PAK5: variants seen among roughly 807,000 people sequenced by gnomAD.
The protein encoded by PAK5 is serine/threonine-protein kinase PAK 5.
In PAK5, 16 loss-of-function variants were observed where a neutral mutation model predicts 65.9. That is an observed-to-expected ratio of 0.24 (90% CI 0.16 to 0.37). PAK5 has a LOEUF of 0.37. Among genes scored for constraint, PAK5 ranks in the 10% least tolerant of loss-of-function variants. The pLI, the probability that PAK5 is intolerant of heterozygous loss-of-function variation, is 1.00. For missense variants in PAK5, 785 were observed against 903.9 expected, an observed-to-expected ratio of 0.87 and a Z score of 1.69; for synonymous variants, 371 against 354.9, an observed-to-expected ratio of 1.05 and a Z score of -0.51.
At chr20:9,830,071 G>A (rs1978587289) in intron 1 of PAK5, among the ~76,000 whole-genome samples, 1 of 152,192 alleles carries the variant, frequency 6.6e-6, no homozygotes, top group South Asian at 2.1e-4. Flanking sequence ...GGCTCAGAAG[G>A]AGGCAAAGAG....
intron 1 of PAK5, among the ~76,000 whole-genome samples, chr20:9,735,560 A>G (rs1022275212): frequency 1.3e-5 from 2 of 152,200 alleles, no homozygotes; most frequent in African/African-American, 4.8e-5. Context: ...TCTTGCCAAA[A>G]TAGATGGGAA....
chr20:9,569,522 A>T (rs1197127462), intron 4 of PAK5, among the ~76,000 whole-genome samples: 2 of 152,178 alleles, frequency 1.3e-5, no homozygotes, highest in Non-Finnish European at 2.9e-5. Flanking sequence ...GAAACTAAGG[A>T]AGCAAGGTGT....
chr20:9,730,025 GA>G, intron 1 of PAK5, among the ~76,000 whole-genome samples: 1 of 124,066 alleles, frequency 8.1e-6, no homozygotes. Flanking sequence ...GAGAGAGAGA[GA>G]GAGAGAATTG....
At chr20:9,633,275 G>C (rs530336619) in intron 3 of PAK5, among the ~76,000 whole-genome samples, 3 of 152,234 alleles carry the variant, frequency 2.0e-5, no homozygotes, top group Admixed American at 1.3e-4. Context: ...GCAAATTCAA[G>C]GGATGGGGAA....
At chr20:9,796,735 G>T (rs1472027787) in intron 1 of PAK5, among the ~76,000 whole-genome samples, 1 of 152,098 alleles carries the variant, frequency 6.6e-6, no homozygotes, top group Admixed American at 6.6e-5. Context: ...CAGTGGAAAT[G>T]GAAATGTGTG....
intron 1 of PAK5, among the ~76,000 whole-genome samples, chr20:9,740,859 C>A (rs780433007): frequency 5.3e-5 from 8 of 152,190 alleles, no homozygotes; most frequent in Non-Finnish European, 1.0e-4. Context: ...AGCATGACTG[C>A]AGCAGTAGAT....
Position 9,539,325 on chromosome 20 carries a change from C to G in PAK5, c.*137G>C, listed in dbSNP as rs2045220333. The G allele has an allele frequency of 3.8e-6, 3 of 782,056 alleles. No homozygotes were observed. Among genetic ancestry groups the G allele is most frequent in the Non-Finnish European group, 6.4e-6 (3 of 470,984 alleles). 48.4% of individuals were successfully genotyped at this position (782,056 alleles called of 1,614,324 possible). A position where few individuals can be genotyped will look rare whatever the true frequency, so the allele number is the denominator to read the frequency against. ...AAGAAGATGCCCTGGTCTGTTGAAC[C>G]CTGCCGGTCATCACGCTGTCCCACC... On this transcript the variant is annotated 3_prime_UTR_variant, in exon 10 of 10. Coordinates refer to ENST00000353224, the MANE Select transcript of PAK5 (RefSeq NM_177990.4).
At chr20:9,593,583 C>T (rs190297497) in intron 3 of PAK5, among the ~76,000 whole-genome samples, 1 of 152,272 alleles carries the variant, frequency 6.6e-6, no homozygotes, top group East Asian at 1.9e-4. Context: ...ACCCCCACTC[C>T]CCGGACAGGC....
intron 3 of PAK5, among the ~76,000 whole-genome samples, chr20:9,620,146 C>T (rs1196689660): frequency 2.0e-5 from 3 of 152,212 alleles, no homozygotes; most frequent in Non-Finnish European, 4.4e-5. Context: ...CCCTCCACCA[C>T]AGCCTTTATT....
chr20:9,810,360 C>T lies in PAK5; in HGVS notation c.-162+28402G>A, dbSNP rs1224956873. 7.2e-5 allele frequency among the ~76,000 whole-genome samples: 11 copies of T among 152,082 alleles called. No individual in the cohort carries two copies. In the South Asian group the frequency reaches 1.0e-3, roughly 14 times the overall value. ...GGCTGAGGTGGGAGGATTGCTTGAG[C>T]CCAGGAGTTTGAGAACAGCCTGGGA... On this transcript the variant is annotated intron_variant, in intron 1 of 9. Coordinates refer to ENST00000353224, the MANE Select transcript of PAK5 (RefSeq NM_177990.4).
intron 1 of PAK5, among the ~76,000 whole-genome samples, chr20:9,753,960 A>G (rs1003371788): frequency 7.2e-5 from 11 of 152,120 alleles, no homozygotes; most frequent in Admixed American, 5.2e-4. Context: ...TTCTCCAGAG[A>G]GCATTCCCTC....
chr20:9,550,193 AT>A lies in PAK5; in HGVS notation c.1744-5700del, dbSNP rs141017178. 5.7e-3 allele frequency among the ~76,000 whole-genome samples: 871 copies of A among 152,194 alleles called. 6 individuals are homozygous for A. The highest frequency in any genetic ancestry group is 0.02 in the African/African-American group (819 of 41,560). On this transcript the variant is annotated intron_variant, in intron 7 of 9. Coordinates refer to ENST00000353224, the MANE Select transcript of PAK5 (RefSeq NM_177990.4). Reference sequence around the variant, plus strand: ...AGTTCCTCCAAATCTCAGTGAGGGAATGGGGAAGGGTCTGGCACAAGCCTGT... The same window carrying A: ...AGTTCCTCCAAATCTCAGTGAGGGAAGGGGAAGGGTCTGGCACAAGCCTGT...
intron 1 of PAK5, among the ~76,000 whole-genome samples, chr20:9,753,481 G>T (rs1215845047): frequency 1.3e-5 from 2 of 152,054 alleles, no homozygotes; most frequent in Admixed American, 6.6e-5. Context: ...TGCCAAGTAA[G>T]AATGCAGGAG....
chr20:9,829,970 T>G lies in PAK5; in HGVS notation c.-162+8792A>C, dbSNP rs143360180. 2.0e-5 allele frequency among the ~76,000 whole-genome samples: 3 copies of G among 152,294 alleles called. No individual in the cohort carries two copies. In the East Asian group the frequency reaches 5.8e-4, roughly 29 times the overall value. ...AAAGTCCACAAGTCCAAGCTCCATT[T>G]ACACCTCCCACCAACAGTCTTTTTT... On this transcript the variant is annotated intron_variant, in intron 1 of 9. Coordinates refer to ENST00000353224, the MANE Select transcript of PAK5 (RefSeq NM_177990.4).
At chr20:9,557,480 G>A (rs2045525294) in intron 7 of PAK5, 128 bp downstream of exon 7, 1 of 692,304 alleles carries the variant, frequency 1.4e-6, no homozygotes. Flanking sequence ...AAGTGTTCTG[G>A]GAAGAGAAGT....
chr20:9,603,258 A>G (rs1600124883), intron 3 of PAK5, among the ~76,000 whole-genome samples: 1 of 152,202 alleles, frequency 6.6e-6, no homozygotes, highest in Non-Finnish European at 1.5e-5. Context: ...TTTCCTGGGA[A>G]GTGTTTCTAG....
chr20:9,724,688 T>C (rs561242089), intron 1 of PAK5, among the ~76,000 whole-genome samples: 1 of 152,234 alleles, frequency 6.6e-6, no homozygotes, highest in East Asian at 1.9e-4. Context: ...TGTTTTGCAC[T>C]CAATTTCCAT....
intron 2 of PAK5, among the ~76,000 whole-genome samples, chr20:9,650,094 C>A (rs994347442): frequency 2.0e-5 from 3 of 152,168 alleles, no homozygotes; most frequent in African/African-American, 7.2e-5. Flanking sequence ...GAGAGTCCTC[C>A]ATTCTACATG....
intron 1 of PAK5, among the ~76,000 whole-genome samples, chr20:9,759,249 T>TTA (rs2048670636): frequency 7.9e-5 from 12 of 152,304 alleles, no homozygotes; most frequent in Middle Eastern, 3.4e-3. Context: ...TTTTCACTGC[T>TTA]AAACATCTGA....
Sources: allele counts gnomAD v4.1 joint callset (sites outside exome capture counted in the v4.1 genomes callset), GRCh38; gene constraint gnomAD v4.1.1; transcripts MANE v1.5; gene names NCBI Gene and HGNC (gene_info 2026-07-23, HGNC 2026-07-21).